PDLIM1: variants seen among roughly 807,000 people sequenced by gnomAD.
PDLIM1 encodes PDZ and LIM domain protein 1.
A neutral mutation model predicts 35.2 loss-of-function variants in PDLIM1; 25 were observed. That is an observed-to-expected ratio of 0.71 (90% CI 0.52 to 0.99). The LOEUF is 0.99. PDLIM1 is among the 50% of genes least tolerant of loss of function. PDLIM1 has a pLI of 0.00. For missense variants in PDLIM1, 363 were observed against 415.3 expected, an observed-to-expected ratio of 0.87 and a Z score of 1.09; for synonymous variants, 152 against 154.0, an observed-to-expected ratio of 0.99 and a Z score of 0.10.
intron 5 of PDLIM1, among the ~76,000 whole-genome samples, chr10:95,246,221 G>A (rs913275839): frequency 4.6e-5 from 7 of 152,222 alleles, no homozygotes; most frequent in South Asian, 2.1e-4. Flanking sequence ...CACAGGAGGT[G>A]CTGATGAGGA....
chr10:95,263,736 A>G (rs776135326), intron 4 of PDLIM1, 128 bp downstream of exon 4: 1 of 631,990 alleles, frequency 1.6e-6, no homozygotes, highest in Non-Finnish European at 2.8e-6. Flanking sequence ...TGAACACAGA[A>G]GTGTTCTGCT....
At chr10:95,272,651 G>A (rs1272508737) in intron 1 of PDLIM1, among the ~76,000 whole-genome samples, 1 of 151,918 alleles carries the variant, frequency 6.6e-6, no homozygotes, top group African/African-American at 2.4e-5. Context: ...GCAACAGAGT[G>A]AGATTTCGTC....
intron 1 of PDLIM1, among the ~76,000 whole-genome samples, chr10:95,274,701 AGCAGTAAGGT>A (rs2035496856): frequency 6.6e-6 from 1 of 152,172 alleles, no homozygotes; most frequent in Non-Finnish European, 1.5e-5. Flanking sequence ...AGGCCTACTC[AGCAGTAAGGT>A]GCATGAGGGC....
Position 95,290,767 on chromosome 10 carries a change from G to T in PDLIM1, c.96+53C>A. On this transcript the variant is annotated intron_variant, in intron 1 of 6. Transcript: ENST00000329399. This position sits in a 1 kb window ranked among gnomAD's most constrained non-coding sequence, Gnocchi z 4.7. Reference sequence around the variant, plus strand: ...CCGCGCCCGCGGGGCCCCAGTCTCCGCATATCACCTCCCATAGCGCCCCGC... The same window carrying T: ...CCGCGCCCGCGGGGCCCCAGTCTCCTCATATCACCTCCCATAGCGCCCCGC... 1 of 1,321,596 alleles carries T rather than the reference G, an allele frequency of 7.6e-7. No individual in the cohort carries two copies. The highest frequency in any genetic ancestry group is 1.0e-6 in the Non-Finnish European group (1 of 964,884). 81.9% of individuals were successfully genotyped at this position (1,321,596 alleles called of 1,614,324 possible).
intron 1 of PDLIM1, among the ~76,000 whole-genome samples, chr10:95,285,129 A>G (rs1352138694): frequency 1.3e-5 from 2 of 151,728 alleles, no homozygotes; most frequent in Admixed American, 1.3e-4. Flanking sequence ...CAGTCCTTCC[A>G]CTCCTCTGCT....
At chr10:95,279,248 C>G (rs2035539911) in intron 1 of PDLIM1, among the ~76,000 whole-genome samples, 1 of 152,152 alleles carries the variant, frequency 6.6e-6, no homozygotes, top group Non-Finnish European at 1.5e-5. Context: ...CTACCATGCT[C>G]TACTGCCCCA....
In PDLIM1 at chr10:95,271,848, GT is replaced by G. The variant is rs1289418426; in HGVS notation, c.97-65del. The G allele has an allele frequency of 9.3e-6, 14 of 1,512,966 alleles. No homozygotes were observed. In the African/African-American group the frequency reaches 2.0e-4, roughly 21 times the overall value. The allele number at this position is 1,512,966 out of a possible 1,614,324, so 93.7% of individuals were successfully genotyped here. On this transcript the variant is annotated intron_variant, in intron 1 of 6. Coordinates refer to ENST00000329399, the MANE Select transcript of PDLIM1 (RefSeq NM_020992.4). ...CTCCAAACCACTAAGTTACCACCAA[GT>G]TAAGTATTCACTGATATGGAGCAAA...
At chr10:95,261,283 T>C (rs1000339445) in intron 4 of PDLIM1, among the ~76,000 whole-genome samples, 9 of 152,180 alleles carry the variant, frequency 5.9e-5, no homozygotes, top group Non-Finnish European at 1.3e-4. Flanking sequence ...GCTCTTTCAA[T>C]TAAGGATGTG....
At chr10:95,269,541 C>T (rs374206580) in intron 2 of PDLIM1, among the ~76,000 whole-genome samples, 61 of 142,640 alleles carry the variant, frequency 4.3e-4, no homozygotes, top group African/African-American at 1.5e-3. Context: ...CACTGCACTT[C>T]AGCCTGGGTG....
At chr10:95,241,087 A>AAG in intron 5 of PDLIM1, among the ~76,000 whole-genome samples, 1 of 152,254 alleles carries the variant, frequency 6.6e-6, no homozygotes, top group Middle Eastern at 3.4e-3. Flanking sequence ...TGAGGGGATG[A>AAG]AGAGAGGGTC....
intron 5 of PDLIM1, among the ~76,000 whole-genome samples, chr10:95,241,516 C>T (rs568148646): frequency 4.6e-5 from 7 of 152,264 alleles, no homozygotes; most frequent in South Asian, 2.1e-4. Context: ...ATGCCACTGG[C>T]GTCTAGTGGG....
At chr10:95,276,071 C>A (rs1463511814) in intron 1 of PDLIM1, among the ~76,000 whole-genome samples, 2 of 151,938 alleles carry the variant, frequency 1.3e-5, no homozygotes, top group Non-Finnish European at 2.9e-5. Context: ...TTTCCAAAGC[C>A]CTTTCATATA....
At chr10:95,239,742 G>A (rs1182317104) in intron 5 of PDLIM1, among the ~76,000 whole-genome samples, 1 of 152,158 alleles carries the variant, frequency 6.6e-6, no homozygotes, top group Admixed American at 6.5e-5. Context: ...GTTGCAATGG[G>A]CTGAGATTGT....
intron 4 of PDLIM1, among the ~76,000 whole-genome samples, chr10:95,249,441 A>C (rs1285805682): frequency 6.6e-6 from 1 of 152,228 alleles, no homozygotes; most frequent in African/African-American, 2.4e-5. Context: ...GTGCTTCCTG[A>C]GTAATAAAGC....
chr10:95,261,501 T>G (rs1475740195), intron 4 of PDLIM1, among the ~76,000 whole-genome samples: 1 of 152,136 alleles, frequency 6.6e-6, no homozygotes, highest in Non-Finnish European at 1.5e-5. Flanking sequence ...ACACCGTTTC[T>G]CAGGTATCTC....
chr10:95,290,706 G>T lies in PDLIM1; in HGVS notation c.96+114C>A, dbSNP rs2035645969. On this transcript the variant is annotated intron_variant, in intron 1 of 6. Transcript: ENST00000329399. This position sits in a 1 kb window ranked among gnomAD's most constrained non-coding sequence, Gnocchi z 4.7. ...AGAGCGCTCAACTAACAGCGCACCT[G>T]GACGCGCCCGGCTGCGGTTCCGACT... The T allele has an allele frequency of 1.8e-6, 1 of 568,064 alleles. No homozygotes were observed. Among genetic ancestry groups the T allele is most frequent in the African/African-American group, 2.0e-5 (1 of 50,864 alleles). The allele number at this position is 568,064 out of a possible 1,614,324, so 35.2% of individuals were successfully genotyped here.
Position 95,237,939 on chromosome 10 carries a change from C to T in PDLIM1, c.976G>A (p.Val326Met), listed in dbSNP as rs1386693056. 5.6e-6 allele frequency: 9 copies of T among 1,613,978 alleles called. No homozygotes were observed. Among genetic ancestry groups the T allele is most frequent in the African/African-American group, 2.7e-5 (2 of 75,048 alleles). Residue 326 changes from valine (V) to methionine (M), a missense_variant, in exon 7 of 7, where the codon GTG (valine) becomes ATG (methionine). Transcript: ENST00000329399. ...GATCTGCTGGCTCACTTGGGGAACA[C>T]AGTGACCACTTCATAACCCTCAGGT... ...TPPEGYEVVT[V>M]FPK is the part of the protein sequence containing the mutation.
intron 2 of PDLIM1, among the ~76,000 whole-genome samples, chr10:95,270,524 C>T (rs2035455536): frequency 6.6e-6 from 1 of 152,080 alleles, no homozygotes; most frequent in Non-Finnish European, 1.5e-5. Context: ...CCTGCCTTTG[C>T]GGGACCCCTT....
chr10:95,283,977 T>TTCTC lies in PDLIM1; in HGVS notation c.96+6839_96+6842dup, dbSNP rs3979532. 7.8e-3 allele frequency among the ~76,000 whole-genome samples: 1,008 copies of TTCTC among 129,368 alleles called. 10 individuals are homozygous for TTCTC. Among genetic ancestry groups the TTCTC allele is most frequent in the East Asian group, 0.014 (61 of 4,348 alleles). The allele number at this position is 129,368 out of a possible 152,430, so 84.9% of individuals were successfully genotyped here. On this transcript the variant is annotated intron_variant, in intron 1 of 6. Transcript: ENST00000329399. ...CTCTTCACTCTTAGGTATGGCCTTT[T>TTCTC]TCTCTGTGTGTGTGTGTGTGTGTGT...
Sources: allele counts gnomAD v4.1 joint callset (sites outside exome capture counted in the v4.1 genomes callset), GRCh38; gene constraint gnomAD v4.1.1; non-coding constraint Gnocchi (gnomAD v3.1); transcripts MANE v1.5; gene names NCBI Gene and HGNC (gene_info 2026-07-23, HGNC 2026-07-21).